The following STPG2 variants were observed in gnomAD, a reference collection of about 807,000 sequenced individuals.
STPG2 encodes sperm-tail PG-rich repeat-containing protein 2.
In STPG2, 56 loss-of-function variants were observed where a neutral mutation model predicts 54.2. That is an observed-to-expected ratio of 1.03 (90% CI 0.83 to 1.29). The LOEUF (loss-of-function observed/expected upper bound fraction) is 1.29, where lower values mean the gene tolerates loss of function less well. STPG2 is among the 50% of genes most tolerant of loss of function. The pLI is 0.00. For synonymous variants in STPG2, 200 were observed against 181.8 expected (o/e 1.10, Z -0.81); for missense variants, 596 against 544.9 (o/e 1.09, Z -0.93).
At chr4:97,770,919 T>C (rs1346561467) in intron 9 of STPG2, among the ~76,000 whole-genome samples, 1 of 152,178 alleles carries the variant, frequency 6.6e-6, no homozygotes, top group Non-Finnish European at 1.5e-5. Flanking sequence ...ATTTGTGTTT[T>C]TGAGAGACCT....
chr4:97,814,933 C>A (rs988300215), intron 9 of STPG2, among the ~76,000 whole-genome samples: 1 of 152,004 alleles, frequency 6.6e-6, no homozygotes, highest in Non-Finnish European at 1.5e-5. Flanking sequence ...TTAATAAACC[C>A]ACCCCATTAG....
rs1444686003 is a variant in STPG2, at chr4:97,907,456, A to G, written c.1044+36441T>C. Among the ~76,000 whole-genome samples the G allele has an allele frequency of 3.9e-5, 6 of 152,336 alleles. No homozygotes were observed. In the South Asian group the frequency reaches 8.3e-4, roughly 21 times the overall value. ...GGCCATACTGCCCAAGGTAATTTAC[A>G]GATTCAATGCCATCCCCATCAAGCT... On this transcript the variant is annotated intron_variant, in intron 8 of 10. Transcript: ENST00000295268.
intron 10 of STPG2, among the ~76,000 whole-genome samples, chr4:97,602,244 G>A (rs1488869306): frequency 6.6e-6 from 1 of 151,390 alleles, no homozygotes; most frequent in African/African-American, 2.4e-5. Context: ...TATCACTAAT[G>A]TTTCCCATAT....
intron 9 of STPG2, among the ~76,000 whole-genome samples, chr4:97,821,800 G>T (rs1728099768): frequency 6.6e-6 from 1 of 152,194 alleles, no homozygotes; most frequent in Non-Finnish European, 1.5e-5. Context: ...CTGAGGCTTG[G>T]TCTGAGTGGC....
At chr4:97,541,274 T>C (rs1426497056) in intron 4 of STPG2, among the ~76,000 whole-genome samples, 1 of 152,104 alleles carries the variant, frequency 6.6e-6, no homozygotes, top group Non-Finnish European at 1.5e-5. Flanking sequence ...CAGCAAAGTC[T>C]CAGGATACAA....
At chr4:98,089,092 G>A (rs1372972846) in intron 5 of STPG2, among the ~76,000 whole-genome samples, 1 of 151,852 alleles carries the variant, frequency 6.6e-6, no homozygotes, top group Non-Finnish European at 1.5e-5. Context: ...GAGTACAGAT[G>A]ATTTTGTGTA....
At chr4:97,550,038 CAATT>C (rs1489163550) in intron 4 of STPG2, among the ~76,000 whole-genome samples, 2 of 151,906 alleles carry the variant, frequency 1.3e-5, no homozygotes, top group East Asian at 1.9e-4. Context: ...CATTTAATAT[CAATT>C]AAATAAAAAG....
intron 10 of STPG2, among the ~76,000 whole-genome samples, chr4:97,698,120 C>T (rs1723644732): frequency 1.3e-5 from 2 of 152,080 alleles, no homozygotes; most frequent in African/African-American, 4.8e-5. Context: ...GATCTGGTCT[C>T]AGCAGCATCC....
intron 4 of STPG2, among the ~76,000 whole-genome samples, chr4:97,527,682 A>T (rs1731313453): frequency 6.6e-6 from 1 of 152,060 alleles, no homozygotes; most frequent in Admixed American, 6.6e-5. Flanking sequence ...CTTTTTAATG[A>T]TTACCATTCT....
chr4:98,024,208 G>A (rs1487630677), intron 5 of STPG2, among the ~76,000 whole-genome samples: 2 of 152,090 alleles, frequency 1.3e-5, no homozygotes, highest in African/African-American at 4.8e-5. Flanking sequence ...AAATTACCTA[G>A]TTTCATGTAG....
chr4:97,472,998 A>C (rs1011526506), intron 4 of STPG2, among the ~76,000 whole-genome samples: 2 of 151,988 alleles, frequency 1.3e-5, no homozygotes, highest in Non-Finnish European at 2.9e-5. Flanking sequence ...TTTCATGGAC[A>C]CTTATCACTT....
At chr4:97,895,412 T>C (rs1026483605) in intron 8 of STPG2, among the ~76,000 whole-genome samples, 2 of 151,898 alleles carry the variant, frequency 1.3e-5, no homozygotes, top group African/African-American at 2.4e-5. Context: ...GCATGGAGGA[T>C]GTATGTCGAT....
chr4:98,077,943 T>G (rs1461883184), intron 5 of STPG2, among the ~76,000 whole-genome samples: 1 of 152,190 alleles, frequency 6.6e-6, no homozygotes, highest in Admixed American at 6.5e-5. Context: ...TCTTTGTTCC[T>G]GGATAAATTG....
intron 3 of STPG2, among the ~76,000 whole-genome samples, chr4:98,116,099 T>C (rs576745930): frequency 6.6e-6 from 1 of 152,094 alleles, no homozygotes; most frequent in African/African-American, 2.4e-5. Context: ...CTTCTTCTTC[T>C]TCCTTATTTC....
At chr4:97,537,945 G>C (rs1455004829) in intron 4 of STPG2, among the ~76,000 whole-genome samples, 1 of 152,152 alleles carries the variant, frequency 6.6e-6, no homozygotes. Flanking sequence ...GTCTGGAGTG[G>C]ACCTCCAGCA....
At chr4:98,027,420 AATCT>A in intron 5 of STPG2, among the ~76,000 whole-genome samples, 1 of 152,168 alleles carries the variant, frequency 6.6e-6, no homozygotes, top group Non-Finnish European at 1.5e-5. Context: ...CAAAGTCTGA[AATCT>A]AATCTAAATC....
chr4:97,761,718 C>T (rs1725895309), intron 9 of STPG2, among the ~76,000 whole-genome samples: 1 of 152,002 alleles, frequency 6.6e-6, no homozygotes, highest in Non-Finnish European at 1.5e-5. Context: ...GGACTTTTGC[C>T]CTCTAATTAA....
At chr4:97,633,723 G>C (rs964524759) in intron 10 of STPG2, 1 of 153,454 alleles carries the variant, frequency 6.5e-6, no homozygotes, top group Non-Finnish European at 1.4e-5. Flanking sequence ...ATCAAAGAAA[G>C]GGGTGACGGA....
intron 7 of STPG2, among the ~76,000 whole-genome samples, chr4:97,970,498 T>A (rs1429042489): frequency 6.6e-6 from 1 of 151,984 alleles, no homozygotes; most frequent in Non-Finnish European, 1.5e-5. Context: ...CCCTCAGAAA[T>A]AACACCACAC....
Sources: allele counts gnomAD v4.1 joint callset (sites outside exome capture counted in the v4.1 genomes callset), GRCh38; gene constraint gnomAD v4.1.1; transcripts MANE v1.5; gene names NCBI Gene and HGNC (gene_info 2026-07-23, HGNC 2026-07-21).